Variants in ERI1 observed in about 807,000 individuals in gnomAD.
ERI1 encodes 3'-5' exoribonuclease 1.
Under a neutral mutation model 39.7 loss-of-function variants are expected in ERI1, and 39 were observed. The observed-to-expected ratio is 0.98, with a 90% confidence interval of 0.76 to 1.28. ERI1 has a LOEUF of 1.28. Among genes scored for constraint, ERI1 ranks in the 50% most tolerant of loss-of-function variants. The pLI is 0.00. For synonymous variants in ERI1, 204 were observed against 149.6 expected (o/e 1.36, Z -2.65); for missense variants, 581 against 416.9 (o/e 1.39, Z -3.43).
At chr8:9,095,841 C>A (rs1032425398) in intron 3 of ERI1, among the ~76,000 whole-genome samples, 2 of 152,022 alleles carry the variant, frequency 1.3e-5, no homozygotes, top group Non-Finnish European at 2.9e-5. Flanking sequence ...GAAGTTTGCT[C>A]TGTGTTTAAG....
At chr8:9,054,032 G>A (rs796383265) in intron 3 of ERI1, among the ~76,000 whole-genome samples, 12 of 127,874 alleles carry the variant, frequency 9.4e-5, no homozygotes, top group African/African-American at 3.8e-4. Context: ...AGGCCTGATA[G>A]GCTAGAACTC....
At chr8:9,041,830 G>T (rs1798031130) in intron 3 of ERI1, among the ~76,000 whole-genome samples, 1 of 152,174 alleles carries the variant, frequency 6.6e-6, no homozygotes, top group Admixed American at 6.5e-5. Flanking sequence ...TGCCTCCCGG[G>T]TTCAGGCGAT....
chr8:9,029,394 T>A (rs1797423150), intron 6 of ERI1, among the ~76,000 whole-genome samples: 1 of 152,172 alleles, frequency 6.6e-6, no homozygotes, highest in Non-Finnish European at 1.5e-5. Flanking sequence ...ATTGGCATGA[T>A]CTCAGCTCGC....
At chr8:9,028,974 T>G (rs944873817) in intron 6 of ERI1, among the ~76,000 whole-genome samples, 2 of 73,116 alleles carry the variant, frequency 2.7e-5, no homozygotes, top group Admixed American at 1.2e-4. Flanking sequence ...AGTGTGAGAG[T>G]TTTTTTTTTT....
intron 1 of ERI1, chr8:9,004,026 C>T: frequency 4.0e-6 from 5 of 1,252,302 alleles, no homozygotes; most frequent in South Asian, 2.5e-5. Context: ...GGGTGCCTGC[C>T]TCCCTTGGTA....
chr8:9,029,945 A>C lies in ERI1; in HGVS notation c.961A>C (p.Lys321Gln). ...TGGGTGTGAACTCCGAATCAACGAG[A>C]AAATGCATGCAGGACAGCTAATGAG... ...QDGCELRINE[K>Q]MHAGQLMSVS... is the part of the protein sequence containing the mutation. The change falls in exon 7 of 7, where the codon AAA (lysine) becomes CAA (glutamine). Residue 321 changes from lysine to glutamine, a missense_variant. Physicochemically the swap from Lys to Gln is moderately conservative, Grantham distance 53. Transcript: ENST00000250263. 6.2e-7 allele frequency: 1 copy of C among 1,614,172 alleles called. No individual in the cohort carries two copies. Among genetic ancestry groups the C allele is most frequent in the Non-Finnish European group, 8.5e-7 (1 of 1,180,024 alleles).
At chr8:9,010,685 G>A (rs970618449) in intron 2 of ERI1, among the ~76,000 whole-genome samples, 2 of 151,996 alleles carry the variant, frequency 1.3e-5, no homozygotes, top group African/African-American at 2.4e-5. Context: ...GGCCAATATA[G>A]GATTCATTTA....
At chr8:9,091,870 C>G (rs1361129606) in intron 3 of ERI1, among the ~76,000 whole-genome samples, 1 of 151,924 alleles carries the variant, frequency 6.6e-6, no homozygotes, top group Non-Finnish European at 1.5e-5. Context: ...TTCCTAAATG[C>G]CCTCTAAAAA....
At chr8:9,075,286 T>A (rs542352525) in intron 3 of ERI1, among the ~76,000 whole-genome samples, 6 of 152,238 alleles carry the variant, frequency 3.9e-5, no homozygotes, top group Non-Finnish European at 8.8e-5. Context: ...GAAAACCCAG[T>A]CTCTCCTTAG....
intron 3 of ERI1, among the ~76,000 whole-genome samples, chr8:9,081,703 T>TTTTGTTTGTTTG (rs10701232): frequency 1.1e-3 from 162 of 142,688 alleles, no homozygotes; most frequent in African/African-American, 4.1e-3. Context: ...TTTTTTTGGT[T>TTTTGTTTGTTTG]TTTGTTTGTT....
At chr8:9,084,520 C>G (rs1012835520) in intron 3 of ERI1, among the ~76,000 whole-genome samples, 3 of 152,188 alleles carry the variant, frequency 2.0e-5, no homozygotes, top group African/African-American at 7.2e-5. Flanking sequence ...TCCAGCCTCC[C>G]TTAACTCCAC....
At chr8:9,054,220 T>G (rs890277326) in intron 3 of ERI1, among the ~76,000 whole-genome samples, 10 of 152,340 alleles carry the variant, frequency 6.6e-5, no homozygotes, top group African/African-American at 2.4e-4. Context: ...TAACCTATTT[T>G]GGACTCATGG....
chr8:9,014,294 C>A (rs1816997557), intron 3 of ERI1, among the ~76,000 whole-genome samples: 1 of 152,168 alleles, frequency 6.6e-6, no homozygotes, highest in African/African-American at 2.4e-5. Context: ...TGATGTTTTT[C>A]TCCTTCTCTC....
intron 3 of ERI1, among the ~76,000 whole-genome samples, chr8:9,012,094 C>A (rs79007531): frequency 6.6e-6 from 1 of 152,134 alleles, no homozygotes; most frequent in Non-Finnish European, 1.5e-5. Flanking sequence ...TAATTTAGTT[C>A]TCTGATAGGG....
rs547934804 is a variant in ERI1 at position 9,006,603 on chromosome 8, C to G, written c.109-1367C>G. ...TCAAAAGATAATTTTTTGTAAAATT[C>G]TGGTCAAGCAGAGCAATATCTATTG... On this transcript the variant is annotated intron_variant, in intron 1 of 6. Coordinates refer to ENST00000250263, the MANE Select transcript of ERI1 (RefSeq NM_153332.4). Among the ~76,000 whole-genome samples the G allele has an allele frequency of 4.6e-5, 7 of 152,094 alleles. No individual in the cohort carries two copies. The East Asian group carries it at 9.6e-4, about 21-fold the overall frequency.
intron 3 of ERI1, among the ~76,000 whole-genome samples, chr8:9,071,168 ATTATTCT>A (rs1452084262): frequency 6.6e-6 from 1 of 152,212 alleles, no homozygotes; most frequent in Non-Finnish European, 1.5e-5. Flanking sequence ...AACGCGGGGC[ATTATTCT>A]AAGCAGATGA....
In ERI1 at chr8:9,032,361, A is replaced by T. The variant is rs1192026906; in HGVS notation, c.*2327A>T. 6.6e-6 allele frequency: 1 copy of T among 152,206 alleles called. No individual in the cohort carries two copies. The highest frequency in any genetic ancestry group is 2.4e-5 in the African/African-American group (1 of 41,450). 9.4% of individuals were successfully genotyped at this position (152,206 alleles called of 1,614,324 possible). A position where few individuals can be genotyped will look rare whatever the true frequency, so the allele number is the denominator to read the frequency against. ...ATGCTTCATATGCTCTGACATTGACATAGTGGATTTCTGCTGATTTTTTTC... is the reference window on the plus strand; with the variant it reads ...ATGCTTCATATGCTCTGACATTGACTTAGTGGATTTCTGCTGATTTTTTTC... On this transcript the variant is annotated 3_prime_UTR_variant, in exon 7 of 7. Transcript: ENST00000250263.
chr8:9,085,514 T>A (rs1799496570), intron 3 of ERI1, among the ~76,000 whole-genome samples: 1 of 151,816 alleles, frequency 6.6e-6, no homozygotes, highest in Non-Finnish European at 1.5e-5. Flanking sequence ...GGCCCTACCA[T>A]CTTTTTTTAT....
At chr8:9,021,312 C>T (rs989279990) in intron 6 of ERI1, among the ~76,000 whole-genome samples, 2 of 152,186 alleles carry the variant, frequency 1.3e-5, no homozygotes, top group African/African-American at 2.4e-5. Flanking sequence ...GACTATCTTC[C>T]TGGAGCCTTT....
Sources: gnomAD v4.1 joint callset for allele counts (sites outside exome capture counted in the v4.1 genomes callset) on GRCh38, gnomAD v4.1.1 for gene constraint, MANE v1.5 for transcripts, NCBI Gene and HGNC (gene_info 2026-07-23, HGNC 2026-07-21) for gene names.